Variants in CALN1 observed in about 807,000 individuals in gnomAD.
CALN1 encodes calcium-binding protein 8.
CALN1 carries 17 observed loss-of-function variants against 30.6 expected under a neutral mutation model. That is an observed-to-expected ratio of 0.56 (90% confidence interval 0.38 to 0.83). The LOEUF is 0.83. Among genes scored for constraint, CALN1 ranks in the 40% least tolerant of loss-of-function variants. CALN1 has a pLI of 0.00. For missense variants in CALN1, 291 were observed against 354.9 expected, an observed-to-expected ratio of 0.82 and a Z score of 1.45; for synonymous variants, 156 against 131.4, an observed-to-expected ratio of 1.19 and a Z score of -1.28.
the CALN1 span, among the ~76,000 whole-genome samples, chr7:72,501,370 T>TAAAAAA: frequency 6.5e-4 from 28 of 42,804 alleles, 2 homozygotes; most frequent in Non-Finnish European, 8.1e-4. Flanking sequence ...ACGTCTCTAT[T>TAAAAAA]AAAAAAAAAA....
At chr7:72,081,485 C>G (rs1361523327) in intron 4 of CALN1, among the ~76,000 whole-genome samples, 1 of 147,286 alleles carries the variant, frequency 6.8e-6, no homozygotes, top group Non-Finnish European at 1.5e-5. Context: ...TGCCCAAATG[C>G]AATCATAGCT....
chr7:71,956,057 G>A (rs1445557294), intron 5 of CALN1, among the ~76,000 whole-genome samples: 4 of 151,434 alleles, frequency 2.6e-5, no homozygotes, highest in Admixed American at 6.6e-5. Flanking sequence ...GCACTATCTC[G>A]GTTCACTGCA....
At chr7:72,353,406 C>T (rs1803049771) in intron 2 of CALN1, among the ~76,000 whole-genome samples, 1 of 151,944 alleles carries the variant, frequency 6.6e-6, no homozygotes, top group Non-Finnish European at 1.5e-5. Flanking sequence ...TTAAGTCATA[C>T]AAAATTAGTC....
At chr7:71,880,380 C>A (rs1792494750) in intron 5 of CALN1, among the ~76,000 whole-genome samples, 1 of 152,150 alleles carries the variant, frequency 6.6e-6, no homozygotes, top group Admixed American at 6.5e-5. Flanking sequence ...CTTGCATGAA[C>A]TTTCCCTTGC....
chr7:72,287,428 C>T (rs986930407), intron 2 of CALN1, among the ~76,000 whole-genome samples: 8 of 147,688 alleles, frequency 5.4e-5, no homozygotes, highest in Non-Finnish European at 1.0e-4. Flanking sequence ...ACACATACAC[C>T]AAATTAATTT....
chr7:72,030,188 T>C (rs1801343847), intron 4 of CALN1, among the ~76,000 whole-genome samples: 1 of 152,092 alleles, frequency 6.6e-6, no homozygotes, highest in Non-Finnish European at 1.5e-5. Flanking sequence ...AGCGTTAGAG[T>C]ATTGGGAAAA....
chr7:72,324,601 G>T (rs968256703), intron 2 of CALN1, among the ~76,000 whole-genome samples: 7 of 144,256 alleles, frequency 4.9e-5, no homozygotes, highest in Admixed American at 1.4e-4. Context: ...TATTTATTTA[G>T]AGACAGAGTC....
intron 3 of CALN1, among the ~76,000 whole-genome samples, chr7:72,118,692 T>C (rs1262659965): frequency 1.1e-5 from 1 of 95,120 alleles, no homozygotes; most frequent in African/African-American, 4.0e-5. Flanking sequence ...GTGGATGAGA[T>C]TTAAATATGT....
intron 4 of CALN1, among the ~76,000 whole-genome samples, chr7:72,042,442 TAAC>T (rs1802187055): frequency 6.6e-6 from 1 of 152,190 alleles, no homozygotes; most frequent in African/African-American, 2.4e-5. Context: ...TTCACTCCCC[TAAC>T]AACGAGTAGC....
At chr7:72,001,105 T>A (rs1335167531) in intron 5 of CALN1, among the ~76,000 whole-genome samples, 5 of 152,154 alleles carry the variant, frequency 3.3e-5, no homozygotes, top group Non-Finnish European at 7.3e-5. Context: ...TAATTGGTTG[T>A]AGCCAGCATC....
chr7:72,338,469 CAGTGTGTGTG>C (rs1464457008), intron 2 of CALN1, among the ~76,000 whole-genome samples: 10 of 41,944 alleles, frequency 2.4e-4, no homozygotes, highest in African/African-American at 7.5e-4. Flanking sequence ...GCCAGCAGCA[CAGTGTGTGTG>C]TGTGTGTGTG....
chr7:72,065,055 G>A (rs1319111538), intron 4 of CALN1, among the ~76,000 whole-genome samples: 7 of 147,690 alleles, frequency 4.7e-5, no homozygotes, highest in African/African-American at 1.7e-4. Context: ...ATATTTATAT[G>A]TTAATATATG....
At chr7:72,290,345 G>C (rs1349550525) in intron 2 of CALN1, among the ~76,000 whole-genome samples, 1 of 152,098 alleles carries the variant, frequency 6.6e-6, no homozygotes, top group Non-Finnish European at 1.5e-5. Flanking sequence ...AGCAGCTATG[G>C]TGGTGGCAGC....
chr7:72,357,823 T>C (rs925628661), intron 2 of CALN1, among the ~76,000 whole-genome samples: 2 of 147,076 alleles, frequency 1.4e-5, no homozygotes, highest in African/African-American at 5.0e-5. Context: ...TATATTTATA[T>C]ATATTTTTAT....
the CALN1 span, among the ~76,000 whole-genome samples, chr7:72,489,130 T>C: frequency 1.3e-5 from 2 of 152,122 alleles, no homozygotes; most frequent in African/African-American, 4.8e-5. Flanking sequence ...ATTGAAACCA[T>C]GGGAACAGAA....
At chr7:72,288,064 G>A (rs1798217847) in intron 2 of CALN1, among the ~76,000 whole-genome samples, 1 of 152,174 alleles carries the variant, frequency 6.6e-6, no homozygotes, top group South Asian at 2.1e-4. Flanking sequence ...CTGTGGGTCA[G>A]AATCAGGAGC....
Position 72,106,213 on chromosome 7 carries a change from G to C in CALN1, c.326C>G (p.Ser109Cys). ...SKQELGMAMR[S>C]LGYMPSEVEL... ...CACCTCGCTTGGCATGTACCCCAAAGAGCGCATGGCCATGCCCAGCTCCTG... is the reference window on the plus strand; with the variant it reads ...CACCTCGCTTGGCATGTACCCCAAACAGCGCATGGCCATGCCCAGCTCCTG... Residue 109 changes from serine to cysteine, a missense_variant, in exon 4 of 7, where the codon TCT becomes TGT. Physicochemically the swap from Ser to Cys is moderately radical, Grantham distance 112. This residue lies in a region of CALN1 where 169 missense variants were observed against 251.7 expected (regional missense o/e 0.67). Transcript: ENST00000395275. 6.2e-7 allele frequency: 1 copy of C among 1,614,066 alleles called. No homozygotes were observed. Among genetic ancestry groups the C allele is most frequent in the Non-Finnish European group, 8.5e-7 (1 of 1,180,020 alleles).
chr7:72,408,983 T>C (rs1806906224), intron 1 of CALN1, among the ~76,000 whole-genome samples: 1 of 151,340 alleles, frequency 6.6e-6, no homozygotes, highest in Non-Finnish European at 1.5e-5. Context: ...TGGCCCCAAG[T>C]ATACTTTTTT....
intron 1 of CALN1, among the ~76,000 whole-genome samples, chr7:72,422,649 T>C (rs979074358): frequency 6.6e-6 from 1 of 152,236 alleles, no homozygotes; most frequent in African/African-American, 2.4e-5. Context: ...TTATATAAAT[T>C]GTCATTTACC....
Sources: gnomAD v4.1 joint callset for allele counts (sites outside exome capture counted in the v4.1 genomes callset) on GRCh38, gnomAD v4.1.1 for gene constraint, gnomAD v4.1.1 regional missense constraint, MANE v1.5 for transcripts, NCBI Gene and HGNC (gene_info 2026-07-23, HGNC 2026-07-21) for gene names.